The following CDK17 variants were observed in gnomAD, a reference collection of about 807,000 sequenced individuals.
CDK17 encodes the protein cyclin-dependent kinase 17.
Under a neutral mutation model 77.6 loss-of-function variants are expected in CDK17, and 24 were observed. The observed-to-expected ratio is 0.31, with a 90% confidence interval of 0.22 to 0.44. The LOEUF (loss-of-function observed/expected upper bound fraction) is 0.44, where lower values mean the gene tolerates loss of function less well. Ranked by LOEUF, CDK17 falls within the 20% of genes least tolerant of loss-of-function variation. The pLI, the probability that CDK17 is intolerant of heterozygous loss-of-function variation, is 1.00. For synonymous variants in CDK17, 203 were observed against 210.4 expected, an observed-to-expected ratio of 0.96 and a Z score of 0.30; for missense variants, 429 against 622.5, an observed-to-expected ratio of 0.69 and a Z score of 3.31.
intron 1 of CDK17, among the ~76,000 whole-genome samples, chr12:96,383,053 G>A (rs1375677084): frequency 6.6e-6 from 1 of 152,076 alleles, no homozygotes; most frequent in South Asian, 2.1e-4. Flanking sequence ...AACTGTAAAC[G>A]ACTTCAGTAA....
chr12:96,295,095 A>G lies in CDK17; in HGVS notation c.901T>C (p.Leu301=). 1 of 1,608,870 alleles carries G rather than the reference A, an allele frequency of 6.2e-7. No homozygotes were observed. The highest frequency in any genetic ancestry group is 1.1e-5 in the South Asian group (1 of 89,866). ...KLFLYQILRG[L]AYCHRRKVLH... ...ACCTTTCTTCTATGGCAATATGCCA[A>G]ACCACGTAGAATTTGGTACAGAAAC... The change falls in exon 10 of 17, where the codon TTG becomes CTG. Residue 301 remains leucine (L), a synonymous_variant. Coordinates refer to ENST00000261211, the MANE Select transcript of CDK17 (RefSeq NM_002595.5).
chr12:96,323,285 C>A (rs12227029), intron 3 of CDK17, among the ~76,000 whole-genome samples: 3,964 of 95,000 alleles, frequency 0.042, 98 homozygotes, highest in Non-Finnish European at 0.056. Context: ...AAAAAAAAAA[C>A]AAAAACAAAC....
chr12:96,314,250 T>A (rs1016780367), intron 3 of CDK17, among the ~76,000 whole-genome samples: 1 of 152,164 alleles, frequency 6.6e-6, no homozygotes, highest in African/African-American at 2.4e-5. Context: ...CAAGCTGGAG[T>A]GCAGTGACAC....
intron 13 of CDK17, chr12:96,285,582 G>T (rs1025265627): frequency 6.6e-6 from 1 of 152,318 alleles, no homozygotes; most frequent in Non-Finnish European, 1.5e-5. Flanking sequence ...CTTGGGGTAG[G>T]TCTAAGAAGA....
chr12:96,345,471 G>T (rs191791587), intron 1 of CDK17, among the ~76,000 whole-genome samples: 9 of 152,202 alleles, frequency 5.9e-5, no homozygotes, highest in East Asian at 3.9e-4. Context: ...CTATTTCTCC[G>T]CAACCTTGCC....
intron 1 of CDK17, among the ~76,000 whole-genome samples, chr12:96,347,508 G>C (rs1031082161): frequency 4.0e-5 from 6 of 149,432 alleles, no homozygotes; most frequent in South Asian, 2.1e-4. Context: ...CAGAGTTGAA[G>C]TGAGCCAGGA....
intron 3 of CDK17, among the ~76,000 whole-genome samples, chr12:96,323,738 T>G (rs896664933): frequency 6.6e-6 from 1 of 152,216 alleles, no homozygotes; most frequent in Admixed American, 6.5e-5. Context: ...ATTTCCCTCC[T>G]GATGGACAGG....
At chr12:96,319,005 C>T (rs1952773503) in intron 3 of CDK17, among the ~76,000 whole-genome samples, 1 of 147,894 alleles carries the variant, frequency 6.8e-6, no homozygotes, top group East Asian at 2.0e-4. Flanking sequence ...TCAATGAATC[C>T]AGGAGCTGGT....
At chr12:96,332,759 T>G (rs1268148386) in intron 2 of CDK17, among the ~76,000 whole-genome samples, 1 of 152,186 alleles carries the variant, frequency 6.6e-6, no homozygotes, top group Non-Finnish European at 1.5e-5. Context: ...GATCGCCTAT[T>G]TGCCCTTATT....
intron 1 of CDK17, among the ~76,000 whole-genome samples, chr12:96,391,848 T>C (rs556138519): frequency 9.2e-5 from 14 of 152,302 alleles, no homozygotes; most frequent in Admixed American, 2.6e-4. Flanking sequence ...TGCTCTAGAT[T>C]GCTCTCACAC....
intron 1 of CDK17, among the ~76,000 whole-genome samples, chr12:96,358,071 A>C (rs951745551): frequency 3.9e-5 from 6 of 152,206 alleles, no homozygotes; most frequent in Admixed American, 2.0e-4. Context: ...AAGTCCCAGA[A>C]GACTACATTT....
chr12:96,283,772 C>T lies in CDK17; in HGVS notation c.1323-127G>A, dbSNP rs796989912. ...GCCCTAAAATAGTCACTCTTGTTGT[C>T]TTCAAATAGACACAAATCTGTTTTA... On this transcript the variant is annotated intron_variant, in intron 13 of 16. Transcript: ENST00000261211. 4 of 580,150 alleles carry T rather than the reference C, an allele frequency of 6.9e-6. No homozygotes were observed. The African/African-American group carries it at 7.8e-5, about 11-fold the overall frequency. The allele number at this position is 580,150 out of a possible 1,614,324, so 35.9% of individuals were successfully genotyped here. A position where few individuals can be genotyped will look rare whatever the true frequency, so the allele number is the denominator to read the frequency against.
chr12:96,356,761 TATAA>T (rs1342521552), intron 1 of CDK17, among the ~76,000 whole-genome samples: 1 of 152,240 alleles, frequency 6.6e-6, no homozygotes, highest in African/African-American at 2.4e-5. Context: ...CCATCATTTG[TATAA>T]ATAATCCCCC....
chr12:96,338,272 C>T (rs932399982), intron 1 of CDK17, among the ~76,000 whole-genome samples: 1 of 152,216 alleles, frequency 6.6e-6, no homozygotes, highest in African/African-American at 2.4e-5. Flanking sequence ...AATGAAAGCT[C>T]ACATCTGGAT....
chr12:96,307,916 C>T (rs986365417), intron 5 of CDK17, among the ~76,000 whole-genome samples: 1 of 152,018 alleles, frequency 6.6e-6, no homozygotes, highest in Non-Finnish European at 1.5e-5. Flanking sequence ...AGCAGTGATG[C>T]TAAATTATGA....
intron 3 of CDK17, among the ~76,000 whole-genome samples, chr12:96,316,254 A>T (rs908430684): frequency 6.6e-6 from 1 of 152,160 alleles, no homozygotes; most frequent in Non-Finnish European, 1.5e-5. Context: ...AGACCGGCTT[A>T]AAAAACGGCG....
intron 1 of CDK17, among the ~76,000 whole-genome samples, chr12:96,354,549 A>G (rs1452996229): frequency 6.6e-6 from 1 of 152,152 alleles, no homozygotes; most frequent in Admixed American, 6.5e-5. Context: ...TCCTGATCCA[A>G]GCCCAGCCTC....
At chr12:96,338,379 C>G (rs1285219275) in intron 1 of CDK17, among the ~76,000 whole-genome samples, 1 of 152,158 alleles carries the variant, frequency 6.6e-6, no homozygotes, top group Non-Finnish European at 1.5e-5. Flanking sequence ...AACAGCTTTT[C>G]TCTTAAGTTC....
chr12:96,344,042 T>G (rs571872740), intron 1 of CDK17, among the ~76,000 whole-genome samples: 1 of 152,092 alleles, frequency 6.6e-6, no homozygotes, highest in African/African-American at 2.4e-5. Flanking sequence ...AGCTAAAAAT[T>G]ACAATAACTA....
Sources: gnomAD v4.1 joint callset for allele counts (sites outside exome capture counted in the v4.1 genomes callset) on GRCh38, gnomAD v4.1.1 for gene constraint, MANE v1.5 for transcripts, NCBI Gene and HGNC (gene_info 2026-07-23, HGNC 2026-07-21) for gene names.